The following RYR3 variants were observed in gnomAD, a reference collection of about 807,000 sequenced individuals.
The protein encoded by RYR3 is brain ryanodine receptor-calcium release channel.
Under a neutral mutation model 584.3 loss-of-function variants are expected in RYR3, and 207 were observed. The ratio of observed to expected loss-of-function variants is 0.35; its 90% CI spans 0.32 to 0.40. RYR3 has a LOEUF of 0.40. Ranked by LOEUF, RYR3 falls within the 10% of genes least tolerant of loss-of-function variation. The probability of loss-of-function intolerance (pLI) is 1.00; values close to 1 mark genes in which losing one functional copy is unlikely to be tolerated. For synonymous variants in RYR3, 2,416 were observed against 2,248.5 expected, an observed-to-expected ratio of 1.07 and a Z score of -2.11; for missense variants, 5,616 against 6,089.2, an observed-to-expected ratio of 0.92 and a Z score of 2.59.
chr15:33,748,291 G>T (rs1182094325), intron 54 of RYR3, 31 bp downstream of exon 54: 1 of 1,610,302 alleles, frequency 6.2e-7, no homozygotes, highest in Non-Finnish European at 8.5e-7. Flanking sequence ...GCCCACGCTG[G>T]GCCGATGGAA....
chr15:33,618,085 C>T (rs1356030278), intron 19 of RYR3, among the ~76,000 whole-genome samples: 2 of 152,142 alleles, frequency 1.3e-5, no homozygotes, highest in Admixed American at 1.3e-4. Context: ...ATCTTATATA[C>T]ACCCCACAAG....
At chr15:33,766,436 G>A (rs758128628) in intron 60 of RYR3, among the ~76,000 whole-genome samples, 14 of 152,186 alleles carry the variant, frequency 9.2e-5, no homozygotes, top group Non-Finnish European at 1.9e-4. Context: ...GGTGCTGACC[G>A]AAGACCTCCT....
At chr15:33,584,001 G>T (rs774571079) in intron 14 of RYR3, among the ~76,000 whole-genome samples, 1 of 142,266 alleles carries the variant, frequency 7.0e-6, no homozygotes, top group African/African-American at 2.6e-5. Context: ...GCAGTGAGCC[G>T]AGATTGCACC....
chr15:33,756,656 C>G (rs1159176547), intron 59 of RYR3, among the ~76,000 whole-genome samples: 2 of 152,124 alleles, frequency 1.3e-5, no homozygotes, highest in East Asian at 3.9e-4. Flanking sequence ...ACAGGCTCAC[C>G]TGCACTGCAT....
intron 86 of RYR3, among the ~76,000 whole-genome samples, chr15:33,834,245 C>T (rs1211175789): frequency 4.6e-5 from 7 of 151,688 alleles, no homozygotes; most frequent in Non-Finnish European, 8.8e-5. Flanking sequence ...GATCATGCCA[C>T]TGCACTCCAG....
chr15:33,454,840 C>T lies in RYR3; in HGVS notation c.52-18579C>T, dbSNP rs542608615. Among the ~76,000 whole-genome samples, 230 of 152,062 alleles carry T rather than the reference C, an allele frequency of 1.5e-3. 2 individuals carry two copies. Among genetic ancestry groups the T allele is most frequent in the Non-Finnish European group, 2.3e-3 (156 of 67,980 alleles). The stretch of plus-strand genomic sequence containing the variant: ...TCATTTGGGTCAGGGTTGGTGAGGG[C>T]GGGTAGGAACTAAGGCTATAGAGAA... On this transcript the variant is annotated intron_variant, in intron 1 of 103. Coordinates refer to ENST00000634891, the MANE Select transcript of RYR3 (RefSeq NM_001036.6).
chr15:33,317,478 CA>C (rs140529470), intron 1 of RYR3, among the ~76,000 whole-genome samples: 12,803 of 152,118 alleles, frequency 0.084, 667 homozygotes, highest in African/African-American at 0.13. Context: ...GTTTGGAAGT[CA>C]GGGGGGGTGT....
intron 86 of RYR3, among the ~76,000 whole-genome samples, chr15:33,834,572 ACT>A (rs1164028069): frequency 1.3e-5 from 2 of 151,822 alleles, no homozygotes; most frequent in Non-Finnish European, 2.9e-5. Flanking sequence ...TGGTTTTCAC[ACT>A]GTGCTTCGCA....
At chr15:33,733,341 G>T (rs980588317) in intron 48 of RYR3, among the ~76,000 whole-genome samples, 1 of 152,192 alleles carries the variant, frequency 6.6e-6, no homozygotes, top group Admixed American at 6.5e-5. Context: ...AAACTTGGGA[G>T]CAATCAAGAT....
intron 3 of RYR3, among the ~76,000 whole-genome samples, chr15:33,526,344 AC>A (rs1398067168): frequency 6.6e-6 from 1 of 152,114 alleles, no homozygotes; most frequent in Non-Finnish European, 1.5e-5. Flanking sequence ...TCCCTGATCC[AC>A]CCCCATCCTG....
At chr15:33,610,033 A>G (rs999490855) in intron 18 of RYR3, among the ~76,000 whole-genome samples, 2 of 152,184 alleles carry the variant, frequency 1.3e-5, no homozygotes, top group African/African-American at 4.8e-5. Context: ...AGTTATAAAA[A>G]CAGAGTCTAA....
intron 61 of RYR3, 25 bp downstream of exon 61, chr15:33,768,732 C>T: frequency 6.2e-7 from 1 of 1,608,410 alleles, no homozygotes; most frequent in Non-Finnish European, 8.5e-7. Context: ...GCTCAAGGTA[C>T]CGCTCCTCCC....
chr15:33,818,825 T>G, intron 76 of RYR3, 141 bp downstream of exon 76: 1 of 645,276 alleles, frequency 1.5e-6, no homozygotes, highest in Non-Finnish European at 2.7e-6. Context: ...TATTTGGCCA[T>G]CAAGATATGT....
At chr15:33,582,204 GCCACCCGC>G (rs1281349044) in intron 14 of RYR3, among the ~76,000 whole-genome samples, 3 of 152,166 alleles carry the variant, frequency 2.0e-5, no homozygotes, top group African/African-American at 7.2e-5. Flanking sequence ...ATAGGCCTAG[GCCACCCGC>G]CTATGGGTGG....
chr15:33,836,569 G>A (rs891572559), intron 87 of RYR3, among the ~76,000 whole-genome samples: 1 of 152,196 alleles, frequency 6.6e-6, no homozygotes, highest in South Asian at 2.1e-4. Flanking sequence ...ATTCTCCAGT[G>A]TAGATAATGA....
intron 94 of RYR3, chr15:33,850,683 A>T (rs146468713): frequency 1.3e-5 from 2 of 152,240 alleles, no homozygotes; most frequent in East Asian, 3.9e-4. Flanking sequence ...TATATTGTTA[A>T]GCACACATAA....
intron 81 of RYR3, 49 bp downstream of exon 81, chr15:33,823,121 G>C (rs1486261874): frequency 6.6e-7 from 1 of 1,512,884 alleles, no homozygotes; most frequent in Non-Finnish European, 9.1e-7. Flanking sequence ...TTCCCTCTAA[G>C]CATAGGAGGC....
At chr15:33,794,128 T>TAATATATA (rs1491241987) in intron 67 of RYR3, among the ~76,000 whole-genome samples, 1 of 97,788 alleles carries the variant, frequency 1.0e-5, no homozygotes, top group African/African-American at 4.8e-5. Flanking sequence ...TAAATATATA[T>TAATATATA]TTATATATAA....
intron 1 of RYR3, among the ~76,000 whole-genome samples, chr15:33,326,458 A>G (rs147479089): frequency 1.3e-5 from 2 of 152,370 alleles, no homozygotes; most frequent in Non-Finnish European, 2.9e-5. Flanking sequence ...AGAAAGCAGA[A>G]CAAAAATGTG....
Sources: gnomAD v4.1 joint callset for allele counts (sites outside exome capture counted in the v4.1 genomes callset) on GRCh38, gnomAD v4.1.1 for gene constraint, MANE v1.5 for transcripts, NCBI Gene and HGNC (gene_info 2026-07-23, HGNC 2026-07-21) for gene names.